Variants in C1GALT1 observed in about 807,000 individuals in gnomAD.
C1GALT1 encodes glycoprotein-N-acetylgalactosamine 3-beta-galactosyltransferase 1.
C1GALT1 carries 11 observed loss-of-function variants against 31.0 expected under a neutral mutation model. The ratio of observed to expected loss-of-function variants is 0.36; its 90% CI spans 0.22 to 0.59. The LOEUF is 0.59. C1GALT1 is among the 20% of genes least tolerant of loss of function. The pLI is 0.79. For synonymous variants in C1GALT1, 175 were observed against 143.6 expected, an observed-to-expected ratio of 1.22 and a Z score of -1.56; for missense variants, 424 against 425.2, an observed-to-expected ratio of 1.00 and a Z score of 0.03.
chr7:7,227,336 A>C (rs546831841), intron 1 of C1GALT1, among the ~76,000 whole-genome samples: 4 of 152,334 alleles, frequency 2.6e-5, no homozygotes, highest in Admixed American at 6.5e-5. Flanking sequence ...TTGGTTTATG[A>C]GACAGACCTC....
intron 1 of C1GALT1, among the ~76,000 whole-genome samples, chr7:7,205,625 A>G (rs796493883): frequency 6.6e-6 from 1 of 152,184 alleles, no homozygotes. Flanking sequence ...TAATTGTTAT[A>G]TCTTTTGCTG....
intron 1 of C1GALT1, among the ~76,000 whole-genome samples, chr7:7,207,786 CTTTGT>C (rs1583781493): frequency 7.2e-6 from 1 of 138,764 alleles, no homozygotes; most frequent in African/African-American, 2.9e-5. Flanking sequence ...TGCTTTTTTT[CTTTGT>C]TTTTTTTTTT....
chr7:7,209,965 C>T (rs1368805260), intron 1 of C1GALT1, among the ~76,000 whole-genome samples: 1 of 151,914 alleles, frequency 6.6e-6, no homozygotes, highest in African/African-American at 2.4e-5. Flanking sequence ...ACAAGGTGCT[C>T]AGTGGGGGAG....
intron 1 of C1GALT1, among the ~76,000 whole-genome samples, chr7:7,187,078 CAGAG>C (rs988752982): frequency 2.6e-5 from 4 of 152,166 alleles, no homozygotes; most frequent in Non-Finnish European, 4.4e-5. Context: ...AGTTAAAAGA[CAGAG>C]AGGTTGCTCA....
At chr7:7,190,402 A>C (rs925711236) in intron 1 of C1GALT1, among the ~76,000 whole-genome samples, 8 of 152,224 alleles carry the variant, frequency 5.3e-5, no homozygotes, top group African/African-American at 1.9e-4. Flanking sequence ...TCTGTTTCAT[A>C]ATGATCTACC....
chr7:7,221,088 A>T, intron 1 of C1GALT1, among the ~76,000 whole-genome samples: 1 of 152,130 alleles, frequency 6.6e-6, no homozygotes, highest in East Asian at 1.9e-4. Context: ...GTATCATTGG[A>T]TCCTTTCAGT....
intron 2 of C1GALT1, among the ~76,000 whole-genome samples, chr7:7,166,073 G>A (rs1022828831): frequency 6.6e-6 from 1 of 152,192 alleles, no homozygotes; most frequent in Non-Finnish European, 1.5e-5. Flanking sequence ...TGTACCAGGC[G>A]TGTTCACGTT....
upstream of C1GALT1, among the ~76,000 whole-genome samples, chr7:7,177,784 G>T (rs1180828602): frequency 6.6e-6 from 1 of 152,080 alleles, no homozygotes; most frequent in Non-Finnish European, 1.5e-5. Flanking sequence ...TAAACATCAG[G>T]TAGACCTCAT....
intron 1 of C1GALT1, among the ~76,000 whole-genome samples, chr7:7,216,771 C>G (rs1244260475): frequency 1.3e-5 from 2 of 152,104 alleles, no homozygotes; most frequent in Non-Finnish European, 2.9e-5. Context: ...ATCTGGCTGC[C>G]GAAGACATTT....
chr7:7,163,553 A>G (rs188915282), intron 2 of C1GALT1, among the ~76,000 whole-genome samples: 26 of 152,290 alleles, frequency 1.7e-4, no homozygotes, highest in African/African-American at 5.8e-4. Context: ...ACATGATTGT[A>G]TATCTAGAAA....
chr7:7,191,751 G>A (rs1247647281), intron 1 of C1GALT1, among the ~76,000 whole-genome samples: 1 of 151,988 alleles, frequency 6.6e-6, no homozygotes, highest in Admixed American at 6.6e-5. Flanking sequence ...CTTTTCATCT[G>A]TTTATTGGCC....
chr7:7,216,284 A>G (rs1372668718), intron 1 of C1GALT1, among the ~76,000 whole-genome samples: 1 of 152,188 alleles, frequency 6.6e-6, no homozygotes, highest in Admixed American at 6.5e-5. Flanking sequence ...AAGACGGGGT[A>G]TCCTCTGAAT....
intron 1 of C1GALT1, among the ~76,000 whole-genome samples, chr7:7,216,466 G>T (rs1183954616): frequency 6.6e-6 from 1 of 151,894 alleles, no homozygotes; most frequent in Non-Finnish European, 1.5e-5. Flanking sequence ...TGACTTCCTA[G>T]AACCAGTGTG....
In C1GALT1 at chr7:7,243,575, A is replaced by G. The variant is rs150563643; in HGVS notation, c.940A>G (p.Thr314Ala). ...LAVSFHYVDS[T>A]TMYELEYLVY... ...AGTTTCTTTTCACTATGTTGATTCTACAACCATGTATGAGTTAGAATACCT... is the reference window on the plus strand; with the variant it reads ...AGTTTCTTTTCACTATGTTGATTCTGCAACCATGTATGAGTTAGAATACCT... The change falls in exon 4 of 4, where the codon ACA (threonine) becomes GCA (alanine). Residue 314 changes from threonine (T) to alanine (A), a missense_variant. Thr to Ala is a moderately conservative substitution (Grantham distance 58). Coordinates refer to ENST00000436587, the MANE Select transcript of C1GALT1 (RefSeq NM_020156.5). 3.0e-5 allele frequency: 48 copies of G among 1,611,788 alleles called. No homozygotes were observed. The highest frequency in any genetic ancestry group is 1.3e-4 in the African/African-American group (10 of 74,778).
intron 1 of C1GALT1, among the ~76,000 whole-genome samples, chr7:7,214,648 T>C (rs10260052): frequency 0.095 from 14,370 of 151,980 alleles, 824 homozygotes; most frequent in East Asian, 0.16. Context: ...GTGTACAGAG[T>C]ATTTTCAAAA....
intron 1 of C1GALT1, among the ~76,000 whole-genome samples, chr7:7,201,755 C>G (rs1781540502): frequency 1.3e-5 from 2 of 152,218 alleles, no homozygotes; most frequent in Admixed American, 6.5e-5. Flanking sequence ...TGCCCTCCCC[C>G]TCCCCCGAGG....
In C1GALT1 at chr7:7,176,819, T is replaced by G. The variant is rs537427003; in HGVS notation, c.-18+19393T>G. On this transcript the variant is annotated intron_variant, in intron 2 of 3. Transcript: ENST00000429911. ...ATGTAGCTACAAGGAATAAAAACTGTTTAGAAAATGTTCTCTTAGGTTATA... is the reference window on the plus strand; with the variant it reads ...ATGTAGCTACAAGGAATAAAAACTGGTTAGAAAATGTTCTCTTAGGTTATA... Among the ~76,000 whole-genome samples the G allele has an allele frequency of 1.5e-4, 23 of 152,320 alleles. No individual in the cohort carries two copies. In the South Asian group the frequency reaches 4.6e-3, roughly 30 times the overall value.
At chr7:7,179,260 TTC>T (rs1780542334), upstream of C1GALT1, among the ~76,000 whole-genome samples, 1 of 152,196 alleles carries the variant, frequency 6.6e-6, no homozygotes, top group Non-Finnish European at 1.5e-5. Context: ...TTCCACTACA[TTC>T]TATTCATGAG....
At chr7:7,228,322 G>T (rs749768313) in intron 1 of C1GALT1, among the ~76,000 whole-genome samples, 45 of 151,996 alleles carry the variant, frequency 3.0e-4, no homozygotes, top group Non-Finnish European at 5.4e-4. Context: ...GAGTTCTTTT[G>T]TATCTGAAAC....
Sources: allele counts gnomAD v4.1 joint callset (sites outside exome capture counted in the v4.1 genomes callset), GRCh38; gene constraint gnomAD v4.1.1; transcripts MANE v1.5; gene names NCBI Gene and HGNC (gene_info 2026-07-23, HGNC 2026-07-21).